Variants in ATG7 observed in about 807,000 individuals in gnomAD.
The protein encoded by ATG7 is autophagy related 7, also known as ubiquitin-like modifier-activating enzyme ATG7.
ATG7 carries 70 observed loss-of-function variants against 82.4 expected under a neutral mutation model. The observed-to-expected ratio is 0.85, with a 90% confidence interval of 0.70 to 1.04. ATG7 has a LOEUF of 1.04. Ranked by LOEUF, ATG7 falls within the 50% of genes least tolerant of loss-of-function variation. ATG7 has a pLI of 0.00. For synonymous variants in ATG7, 287 were observed against 313.0 expected, an observed-to-expected ratio of 0.92 and a Z score of 0.88; for missense variants, 792 against 864.3, an observed-to-expected ratio of 0.92 and a Z score of 1.05.
At chr3:11,509,103 C>A (rs949470607) in intron 20 of ATG7, among the ~76,000 whole-genome samples, 1 of 152,208 alleles carries the variant, frequency 6.6e-6, no homozygotes, top group Non-Finnish European at 1.5e-5. Flanking sequence ...CTTAACTCTT[C>A]TTATTTTATT....
intron 20 of ATG7, among the ~76,000 whole-genome samples, chr3:11,534,842 C>T (rs1485099193): frequency 2.0e-5 from 3 of 152,242 alleles, no homozygotes; most frequent in Admixed American, 1.3e-4. Flanking sequence ...AGGAGTAGCT[C>T]AGCTCAGCTC....
chr3:11,425,385 G>T (rs2082279758), intron 19 of ATG7, among the ~76,000 whole-genome samples: 1 of 151,872 alleles, frequency 6.6e-6, no homozygotes, highest in African/African-American at 2.4e-5. Flanking sequence ...TTCATCTTCT[G>T]AAAAGAAAAA....
At chr3:11,316,689 T>A (rs2606757) in intron 9 of ATG7, among the ~76,000 whole-genome samples, 79,819 of 152,166 alleles carry the variant, frequency 0.52, 22,020 homozygotes, top group East Asian at 0.63. Context: ...TCTGAGGCCC[T>A]CAATAAAATT....
chr3:11,340,934 A>G (rs185611846), intron 12 of ATG7, among the ~76,000 whole-genome samples, 199 bp downstream of exon 12: 52 of 152,294 alleles, frequency 3.4e-4, no homozygotes, highest in African/African-American at 1.2e-3. Context: ...CACACTCTTC[A>G]TCTGTTCTAG....
intron 20 of ATG7, among the ~76,000 whole-genome samples, chr3:11,451,230 T>A (rs1297049556): frequency 1.7e-5 from 2 of 116,690 alleles, no homozygotes; most frequent in South Asian, 5.8e-4. Flanking sequence ...TTTTTTTTTT[T>A]GAGATCTATA....
intron 19 of ATG7, among the ~76,000 whole-genome samples, chr3:11,385,139 C>G (rs111952938): frequency 8.5e-5 from 13 of 152,098 alleles, no homozygotes; most frequent in Non-Finnish European, 1.6e-4. Context: ...AAGTGATTCT[C>G]CTGCCTCAGC....
the ATG7 span, chr3:11,564,765 TC>T: frequency 6.5e-7 from 1 of 1,527,842 alleles, no homozygotes; most frequent in Middle Eastern, 2.0e-4. Context: ...GCCCCTGGAC[TC>T]CCCACGCCAC....
chr3:11,435,179 A>AT (rs1559618237), intron 20 of ATG7, among the ~76,000 whole-genome samples: 1 of 152,228 alleles, frequency 6.6e-6, no homozygotes, highest in East Asian at 1.9e-4. Flanking sequence ...TTTGGTATCT[A>AT]TTATATCTAG....
In ATG7 at chr3:11,305,887, G is replaced by T. The variant is rs929994188; in HGVS notation, c.216-1056G>T. On this transcript the variant is annotated intron_variant, in intron 5 of 20. Transcript: ENST00000693202. Reference sequence around the variant, plus strand: ...ATGGACTTTAAATGAAAAGACATAGGTTCTTCTAAACTATGCAGCTGTCAT... The same window carrying T: ...ATGGACTTTAAATGAAAAGACATAGTTTCTTCTAAACTATGCAGCTGTCAT... 3.9e-5 allele frequency among the ~76,000 whole-genome samples: 6 copies of T among 152,166 alleles called. No individual in the cohort carries two copies. In the East Asian group the frequency reaches 1.2e-3, roughly 29 times the overall value.
At chr3:11,566,479 T>C in the ATG7 span, among the ~76,000 whole-genome samples, 1 of 152,160 alleles carries the variant, frequency 6.6e-6, no homozygotes, top group Non-Finnish European at 1.5e-5. Flanking sequence ...TCCAACCACA[T>C]CCAGCCCTTA....
chr3:11,357,971 TGCCCTC>T (rs1367123127), intron 14 of ATG7, among the ~76,000 whole-genome samples: 1 of 148,470 alleles, frequency 6.7e-6, no homozygotes, highest in East Asian at 2.0e-4. Context: ...ATTGTGCTAG[TGCCCTC>T]TAGCCTGGGT....
the ATG7 span, chr3:11,564,731 C>G: frequency 2.0e-6 from 3 of 1,478,332 alleles, no homozygotes; most frequent in Admixed American, 4.1e-5. Context: ...CTGCTCGGGG[C>G]TCTCCATCCA....
chr3:11,389,437 C>CTTTT (rs34261811), intron 19 of ATG7, among the ~76,000 whole-genome samples: 5 of 118,934 alleles, frequency 4.2e-5, no homozygotes, highest in African/African-American at 1.3e-4. Context: ...TTTGTTAGTG[C>CTTTT]TTTTTTTTTT....
At chr3:11,466,294 C>T (rs1384518128) in intron 20 of ATG7, among the ~76,000 whole-genome samples, 2 of 152,306 alleles carry the variant, frequency 1.3e-5, no homozygotes, top group East Asian at 1.9e-4. Context: ...ATGTTTTTCC[C>T]CTCTTAATTT....
In ATG7 at chr3:11,555,760, G is replaced by C. The variant is rs1290171572; in HGVS notation, c.*917G>C. The C allele has an allele frequency of 4.6e-5, 7 of 152,308 alleles. No homozygotes were observed. The highest frequency in any genetic ancestry group is 1.7e-4 in the African/African-American group (7 of 41,414). The allele number at this position is 152,308 out of a possible 1,614,324, so 9.4% of individuals were successfully genotyped here. The stretch of plus-strand genomic sequence containing the variant: ...AGCTGTGAGGCCCCAACCCAGGAGA[G>C]GCCATGGCCTAGGTACCTGTGACCA... On this transcript the variant is annotated 3_prime_UTR_variant, in exon 21 of 21. Coordinates refer to ENST00000693202, the MANE Select transcript of ATG7 (RefSeq NM_001349232.2).
In ATG7 at chr3:11,347,606, C is replaced by T. The variant is rs574679799; in HGVS notation, c.1126-271C>T. On this transcript the variant is annotated intron_variant, in intron 13 of 20. Coordinates refer to ENST00000693202, the MANE Select transcript of ATG7 (RefSeq NM_001349232.2). ...GGATTCACCTCCAAATCTTTGGTGA[C>T]ACTGTCAAAAATAATTATTAGTCTG... Among the ~76,000 whole-genome samples, 77 of 152,296 alleles carry T rather than the reference C, an allele frequency of 5.1e-4. No homozygotes were observed. The South Asian group carries it at 7.7e-3, about 15-fold the overall frequency.
chr3:11,355,596 A>C (rs2075881920), intron 14 of ATG7, among the ~76,000 whole-genome samples: 6 of 152,154 alleles, frequency 3.9e-5, no homozygotes, highest in Admixed American at 3.9e-4. Flanking sequence ...ATGAATGGCC[A>C]TTGAACACGT....
At chr3:11,397,427 A>T (rs1478803630) in intron 19 of ATG7, among the ~76,000 whole-genome samples, 6 of 2,132 alleles carry the variant, frequency 2.8e-3, no homozygotes, top group Non-Finnish European at 4.9e-3. Flanking sequence ...TCTATAAAAT[A>T]TATAAAAAAT....
intron 20 of ATG7, among the ~76,000 whole-genome samples, chr3:11,462,622 G>A (rs756521576): frequency 6.6e-6 from 1 of 152,046 alleles, no homozygotes; most frequent in Non-Finnish European, 1.5e-5. Context: ...TTGCCTCTTC[G>A]GGTGTTGGGC....
Sources: gnomAD v4.1 joint callset for allele counts (sites outside exome capture counted in the v4.1 genomes callset) on GRCh38, gnomAD v4.1.1 for gene constraint, MANE v1.5 for transcripts, NCBI Gene and HGNC (gene_info 2026-07-23, HGNC 2026-07-21) for gene names.